Variants in LCORL observed in about 807,000 individuals in gnomAD.
LCORL encodes ligand-dependent nuclear receptor corepressor-like protein.
A neutral mutation model predicts 141.8 loss-of-function variants in LCORL; 41 were observed. The ratio of observed to expected loss-of-function variants is 0.29; its 90% CI spans 0.23 to 0.38. LCORL has a LOEUF of 0.38. Among genes scored for constraint, LCORL ranks in the 10% least tolerant of loss-of-function variants. The probability of loss-of-function intolerance (pLI) is 1.00; values close to 1 mark genes in which losing one functional copy is unlikely to be tolerated. For synonymous variants in LCORL, 618 were observed against 694.1 expected (o/e 0.89, Z 1.72); for missense variants, 1,759 against 2,035.0 (o/e 0.86, Z 2.61).
rs1432262015 is a variant in LCORL at position 17,858,093 on chromosome 4, TA to T, written c.5603-12193del. Reference sequence around the variant, plus strand: ...TGGTACATGAGGATGTTAATGGAGATATTTTAAATACACTTCATAAGTTCAA... The same window carrying T: ...TGGTACATGAGGATGTTAATGGAGATTTTTAAATACACTTCATAAGTTCAA... On this transcript the variant is annotated intron_variant, in intron 7 of 7. Coordinates refer to ENST00000635767, the Ensembl canonical transcript of LCORL. Among the ~76,000 whole-genome samples, 4 of 152,312 alleles carry T rather than the reference TA, an allele frequency of 2.6e-5. No homozygotes were observed. In the East Asian group the frequency reaches 5.8e-4, roughly 22 times the overall value.
chr4:17,879,867 T>TATA (rs947514692), intron 6 of LCORL, among the ~76,000 whole-genome samples: 1 of 151,074 alleles, frequency 6.6e-6, no homozygotes, highest in African/African-American at 2.4e-5. Context: ...AATAATTGTT[T>TATA]ATAACTCTTC....
At chr4:18,018,385 A>C (rs1005042921) in intron 1 of LCORL, among the ~76,000 whole-genome samples, 1 of 152,196 alleles carries the variant, frequency 6.6e-6, no homozygotes, top group Non-Finnish European at 1.5e-5. Context: ...AAAAACAGTC[A>C]AATTATAGAA....
chr4:17,982,415 C>T (rs1472744257), intron 1 of LCORL, among the ~76,000 whole-genome samples: 1 of 152,146 alleles, frequency 6.6e-6, no homozygotes, highest in African/African-American at 2.4e-5. Flanking sequence ...TGTAAGTGTT[C>T]CGTTTTCTCT....
At chr4:17,989,548 T>A (rs2109768111) in intron 1 of LCORL, among the ~76,000 whole-genome samples, 1 of 152,350 alleles carries the variant, frequency 6.6e-6, no homozygotes, top group East Asian at 1.9e-4. Flanking sequence ...GTACAGAGTC[T>A]GCAGAAGTAT....
intron 1 of LCORL, among the ~76,000 whole-genome samples, chr4:18,016,191 C>T (rs1428905374): frequency 1.3e-5 from 2 of 152,000 alleles, no homozygotes; most frequent in Admixed American, 1.3e-4. Context: ...CTAGCAAACA[C>T]TTAGGGAATG....
intron 4 of LCORL, among the ~76,000 whole-genome samples, chr4:17,922,835 A>G (rs548807496): frequency 2.0e-5 from 3 of 152,346 alleles, no homozygotes; most frequent in Admixed American, 6.5e-5. Flanking sequence ...GCTTTTAGTC[A>G]GAGGAAACAG....
chr4:17,999,009 CATAT>C (rs146713785), intron 1 of LCORL, among the ~76,000 whole-genome samples: 45,169 of 98,968 alleles, frequency 0.46, 10,556 homozygotes, highest in Non-Finnish European at 0.57. Flanking sequence ...TATATACACA[CATAT>C]ATATATATAT....
intron 4 of LCORL, among the ~76,000 whole-genome samples, chr4:17,958,551 T>C (rs1250214340): frequency 2.0e-5 from 3 of 152,028 alleles, no homozygotes; most frequent in Non-Finnish European, 4.4e-5. Context: ...CAAGGCATTT[T>C]ATATCTATAT....
intron 7 of LCORL, among the ~76,000 whole-genome samples, chr4:17,873,143 T>C (rs1263951398): frequency 6.6e-6 from 1 of 152,126 alleles, no homozygotes; most frequent in African/African-American, 2.4e-5. Flanking sequence ...TAAAGATGAT[T>C]TCTATGTCTC....
At chr4:17,942,961 T>C (rs1289491794) in intron 4 of LCORL, among the ~76,000 whole-genome samples, 2 of 152,176 alleles carry the variant, frequency 1.3e-5, no homozygotes, top group Admixed American at 1.3e-4. Flanking sequence ...GAGAGGAATC[T>C]AGGTTGCATA....
chr4:17,912,923 T>C (rs571534823), intron 4 of LCORL: 76 of 469,982 alleles, frequency 1.6e-4, no homozygotes, highest in Non-Finnish European at 2.2e-4. Context: ...AGCCACCGGA[T>C]AGTGGATGGC....
intron 1 of LCORL, among the ~76,000 whole-genome samples, chr4:18,011,462 C>G (rs750611476): frequency 1.2e-4 from 18 of 151,158 alleles, no homozygotes; most frequent in Non-Finnish European, 2.4e-4. Flanking sequence ...CAAAGGCTTA[C>G]AATTTCCTCC....
At position 17,921,666 on chromosome 4, in the gene LCORL, T is replaced by C. The variant is rs116673442; in HGVS notation, c.431-12321A>G. ...TCAACAATGGATGTGATGGTTAATA[T>C]TCAACTTGACTGGAATGAAGGATGC... On this transcript the variant is annotated intron_variant, in intron 4 of 7. Transcript: ENST00000635767. Among the ~76,000 whole-genome samples the C allele has an allele frequency of 2.4e-3, 370 of 152,260 alleles. 2 individuals carry two copies. Among genetic ancestry groups the C allele is most frequent in the African/African-American group, 7.7e-3 (321 of 41,562 alleles).
intron 5 of LCORL, among the ~76,000 whole-genome samples, chr4:17,901,635 G>A (rs1730899590): frequency 6.6e-6 from 1 of 152,054 alleles, no homozygotes; most frequent in Non-Finnish European, 1.5e-5. Context: ...AAGTGTCAGG[G>A]CAGGTGACTC....
At chr4:17,895,480 T>C (rs1020670248) in intron 5 of LCORL, among the ~76,000 whole-genome samples, 2 of 152,224 alleles carry the variant, frequency 1.3e-5, no homozygotes, top group Admixed American at 1.3e-4. Context: ...TTGTTGCAAA[T>C]GACAGGATTT....
Position 17,851,172 on chromosome 4 carries a change from A to C in LCORL, c.5603-5271T>G, listed in dbSNP as rs547095188. Among the ~76,000 whole-genome samples the C allele has an allele frequency of 2.7e-3, 407 of 150,422 alleles. 2 individuals are homozygous for C. The highest frequency in any genetic ancestry group is 4.4e-3 in the Non-Finnish European group (297 of 67,600). On this transcript the variant is annotated intron_variant, in intron 7 of 7. Coordinates refer to ENST00000635767, the Ensembl canonical transcript of LCORL. ...AGGGATAGCTTTAGGAGATATACCTAATGCTAAATGACGAGTTAATGGGTG... is the reference window on the plus strand; with the variant it reads ...AGGGATAGCTTTAGGAGATATACCTCATGCTAAATGACGAGTTAATGGGTG...
At chr4:18,016,202 C>T (rs1197530795) in intron 1 of LCORL, among the ~76,000 whole-genome samples, 5 of 152,032 alleles carry the variant, frequency 3.3e-5, no homozygotes, top group Non-Finnish European at 1.5e-5. Flanking sequence ...TTAGGGAATG[C>T]TTTCTATATG....
intron 7 of LCORL, among the ~76,000 whole-genome samples, chr4:17,870,531 C>T (rs1316939233): frequency 1.3e-5 from 2 of 152,120 alleles, no homozygotes; most frequent in African/African-American, 4.8e-5. Flanking sequence ...AGTCATCATC[C>T]TTCTACTGGA....
chr4:17,884,680 A>G lies in LCORL; in HGVS notation c.776+1388T>C. The G allele has an allele frequency of 1.3e-6, 2 of 1,527,298 alleles. No homozygotes were observed. The highest frequency in any genetic ancestry group is 8.8e-7 in the Non-Finnish European group (1 of 1,139,078). 94.6% of individuals were successfully genotyped at this position (1,527,298 alleles called of 1,614,324 possible). ...GTGCTCCAGACTGAATGTCTTTCAA[A>G]GCTTTTGAGAGCAAACCATCTGCAA... On this transcript the variant is annotated intron_variant, in intron 6 of 7. Transcript: ENST00000635767. The surrounding 1 kb of genome is among the most constrained non-coding windows in gnomAD (Gnocchi z 4.4).
Sources: gnomAD v4.1 joint callset for allele counts (sites outside exome capture counted in the v4.1 genomes callset) on GRCh38, gnomAD v4.1.1 for gene constraint, Gnocchi (gnomAD v3.1) non-coding constraint, MANE v1.5 for transcripts, NCBI Gene and HGNC (gene_info 2026-07-23, HGNC 2026-07-21) for gene names.